ESR1: variants seen among roughly 807,000 people sequenced by gnomAD.
ESR1 encodes the protein estrogen receptor.
Under a neutral mutation model 52.7 loss-of-function variants are expected in ESR1, and 12 were observed. The observed-to-expected ratio is 0.23, with a 90% confidence interval of 0.15 to 0.37. ESR1 has a LOEUF of 0.37. Ranked by LOEUF, ESR1 falls within the 10% of genes least tolerant of loss-of-function variation. ESR1 has a pLI of 1.00. For synonymous variants in ESR1, 305 were observed against 316.8 expected, an observed-to-expected ratio of 0.96 and a Z score of 0.39; for missense variants, 584 against 779.7, an observed-to-expected ratio of 0.75 and a Z score of 2.99.
At chr6:151,998,337 A>G (rs745926183) in intron 4 of ESR1, among the ~76,000 whole-genome samples, 25 of 152,090 alleles carry the variant, frequency 1.6e-4, no homozygotes, top group Non-Finnish European at 2.9e-4. Context: ...CCAAGAGGAT[A>G]TTATAGTTGC....
chr6:151,909,983 C>A, intron 3 of ESR1, among the ~76,000 whole-genome samples: 1 of 151,830 alleles, frequency 6.6e-6, no homozygotes, highest in East Asian at 1.9e-4. Context: ...ACAGAAGGAC[C>A]AAAGAAGGGA....
intron 4 of ESR1, among the ~76,000 whole-genome samples, chr6:151,988,441 G>A (rs192147581): frequency 6.6e-6 from 1 of 152,076 alleles, no homozygotes; most frequent in Admixed American, 6.5e-5. Context: ...TACAGATGAA[G>A]CTTCACTTGC....
chr6:151,843,548 T>C (rs1305223101), intron 2 of ESR1, among the ~76,000 whole-genome samples: 1 of 152,198 alleles, frequency 6.6e-6, no homozygotes, highest in Non-Finnish European at 1.5e-5. Flanking sequence ...CTACCTAAAA[T>C]ACCTATGCTG....
intron 1 of ESR1, among the ~76,000 whole-genome samples, chr6:151,677,983 AAAG>A (rs1166183121): frequency 6.6e-6 from 1 of 152,228 alleles, no homozygotes; most frequent in Non-Finnish European, 1.5e-5. Flanking sequence ...AAACGTAATG[AAAG>A]AAGCAGGAAG....
intron 2 of ESR1, among the ~76,000 whole-genome samples, chr6:151,720,542 C>A (rs1781378478): frequency 6.6e-6 from 1 of 152,168 alleles, no homozygotes; most frequent in African/African-American, 2.4e-5. Context: ...CAGATTAGCA[C>A]ATTAAAGCCT....
At chr6:151,932,999 T>G (rs1399892246) in intron 3 of ESR1, among the ~76,000 whole-genome samples, 1 of 152,124 alleles carries the variant, frequency 6.6e-6, no homozygotes, top group Non-Finnish European at 1.5e-5. Flanking sequence ...AGAAAGATAT[T>G]GGTAGCTTGA....
chr6:151,664,675 T>C (rs1013181010), intron 1 of ESR1, among the ~76,000 whole-genome samples: 12 of 152,224 alleles, frequency 7.9e-5, no homozygotes, highest in Non-Finnish European at 1.3e-4. Flanking sequence ...GTGCACTGTT[T>C]TCTTAAAGTT....
chr6:151,823,404 G>T (rs1157838875), intron 1 of ESR1, among the ~76,000 whole-genome samples: 1 of 152,104 alleles, frequency 6.6e-6, no homozygotes, highest in Non-Finnish European at 1.5e-5. Context: ...TGTAATTATT[G>T]CTAATTGTAA....
intron 2 of ESR1, among the ~76,000 whole-genome samples, chr6:151,793,601 G>A (rs1776414496): frequency 1.3e-5 from 2 of 152,210 alleles, no homozygotes; most frequent in African/African-American, 4.8e-5. Context: ...ACACACGTGA[G>A]TAATGTGTTG....
At chr6:151,991,911 A>G (rs1339831078) in intron 4 of ESR1, among the ~76,000 whole-genome samples, 2 of 152,032 alleles carry the variant, frequency 1.3e-5, no homozygotes, top group African/African-American at 4.8e-5. Flanking sequence ...CGTCGCAGAC[A>G]TTCCCATACT....
intron 1 of ESR1, among the ~76,000 whole-genome samples, chr6:151,678,792 T>C (rs1033025640): frequency 1.3e-5 from 2 of 151,606 alleles, no homozygotes; most frequent in Non-Finnish European, 2.9e-5. Context: ...GTTCAAGCGA[T>C]TCCCCTGCCT....
At chr6:152,080,265 G>C (rs1451192748) in intron 6 of ESR1, among the ~76,000 whole-genome samples, 2 of 151,828 alleles carry the variant, frequency 1.3e-5, no homozygotes, top group Non-Finnish European at 2.9e-5. Context: ...TACCCACAAA[G>C]GGAAGCCCAT....
At position 151,935,355 on chromosome 6, in the gene ESR1, C is replaced by A. The variant is rs75939483; in HGVS notation, c.761-8818C>A. Among the ~76,000 whole-genome samples the A allele has an allele frequency of 9.8e-3, 1,499 of 152,312 alleles. 26 individuals are homozygous for A. Among genetic ancestry groups the A allele is most frequent in the African/African-American group, 0.032 (1,335 of 41,564 alleles). On this transcript the variant is annotated intron_variant, in intron 3 of 7. Coordinates refer to ENST00000206249, the MANE Select transcript of ESR1 (RefSeq NM_000125.4). ...ACCAGACTTGGAAAACAGGTGGAAACCAAGAGGCAGTCAGCATGGCATAGC... is the reference window on the plus strand; with the variant it reads ...ACCAGACTTGGAAAACAGGTGGAAAACAAGAGGCAGTCAGCATGGCATAGC...
In ESR1 at chr6:151,944,366, C is replaced by T. The variant is rs1401125809; in HGVS notation, c.954C>T (p.Ala318=). The stretch of plus-strand genomic sequence containing the variant: ...TGACGGCCGACCAGATGGTCAGTGC[C>T]TTGTTGGATGCTGAGCCCCCGATAC... ...LSLTADQMVS[A]LLDAEPPILY... is the part of the protein sequence containing the mutation. The change falls in exon 4 of 8, where the codon GCC becomes GCT. Residue 318 remains alanine, a synonymous_variant. Transcript: ENST00000206249. 6.2e-7 allele frequency: 1 copy of T among 1,613,978 alleles called. No individual in the cohort carries two copies. The highest frequency in any genetic ancestry group is 8.5e-7 in the Non-Finnish European group (1 of 1,179,926).
chr6:151,961,086 C>T (rs2037602847), intron 4 of ESR1, among the ~76,000 whole-genome samples: 1 of 152,102 alleles, frequency 6.6e-6, no homozygotes, highest in South Asian at 2.1e-4. Flanking sequence ...TGTTTTTAGA[C>T]CATCTGAGTG....
In ESR1 at chr6:151,980,165, C is replaced by T. The variant is rs12175322; in HGVS notation, c.1097-31491C>T. 4.6e-3 allele frequency among the ~76,000 whole-genome samples: 693 copies of T among 152,258 alleles called. 4 individuals are homozygous for T. Among genetic ancestry groups the T allele is most frequent in the East Asian group, 0.014 (71 of 5,184 alleles). ...TGGTAAGTGATGGGTTTTCTTGGAA[C>T]GTGTTGCTTGCTAATTTTACCAGAG... is the stretch of plus-strand genomic sequence containing the variant. On this transcript the variant is annotated intron_variant, in intron 4 of 7. Coordinates refer to ENST00000206249, the MANE Select transcript of ESR1 (RefSeq NM_000125.4).
At chr6:152,001,183 T>C (rs2041915500) in intron 4 of ESR1, among the ~76,000 whole-genome samples, 1 of 152,036 alleles carries the variant, frequency 6.6e-6, no homozygotes, top group Non-Finnish European at 1.5e-5. Context: ...TATAATAGAA[T>C]ACCTGAGACT....
intron 2 of ESR1, among the ~76,000 whole-genome samples, chr6:151,843,725 T>C (rs2128236439): frequency 6.6e-6 from 1 of 152,306 alleles, no homozygotes; most frequent in South Asian, 2.1e-4. Flanking sequence ...AGTTTTCATG[T>C]GATTCCTTCT....
Position 152,099,094 on chromosome 6 carries a change from T to A in ESR1, c.*128T>A. On this transcript the variant is annotated 3_prime_UTR_variant, in exon 8 of 8. Transcript: ENST00000206249. Reference sequence around the variant, plus strand: ...CATCCAACACCAATGGCTTTCTAGATGAGTGGCCATTCATTTGCTTGCTCA... The same window carrying A: ...CATCCAACACCAATGGCTTTCTAGAAGAGTGGCCATTCATTTGCTTGCTCA... 1.4e-6 allele frequency: 1 copy of A among 734,344 alleles called. No individual in the cohort carries two copies. Among genetic ancestry groups the A allele is most frequent in the Non-Finnish European group, 2.4e-6 (1 of 420,526 alleles). 45.5% of individuals were successfully genotyped at this position (734,344 alleles called of 1,614,324 possible).
Sources: gnomAD v4.1 joint callset for allele counts (sites outside exome capture counted in the v4.1 genomes callset) on GRCh38, gnomAD v4.1.1 for gene constraint, MANE v1.5 for transcripts, NCBI Gene and HGNC (gene_info 2026-07-23, HGNC 2026-07-21) for gene names.